The following GP2 variants were observed in gnomAD, a reference collection of about 807,000 sequenced individuals.
The protein encoded by GP2 is pancreatic secretory granule membrane major glycoprotein GP2.
GP2 carries 58 observed loss-of-function variants against 60.8 expected under a neutral mutation model. That is an observed-to-expected ratio of 0.95 (90% CI 0.77 to 1.19). The LOEUF (loss-of-function observed/expected upper bound fraction) is 1.19, where lower values mean the gene tolerates loss of function less well. GP2 is among the 50% of genes most tolerant of loss of function. The pLI, the probability that GP2 is intolerant of heterozygous loss-of-function variation, is 0.00. For synonymous variants in GP2, 280 were observed against 253.4 expected, an observed-to-expected ratio of 1.10 and a Z score of -1.00; for missense variants, 647 against 667.4, an observed-to-expected ratio of 0.97 and a Z score of 0.34.
intron 7 of GP2, 26 bp downstream of exon 7, chr16:20,318,159 A>G (rs1964242771): frequency 3.1e-6 from 5 of 1,603,800 alleles, no homozygotes; most frequent in African/African-American, 1.3e-5. Context: ...GTAAGGCCAA[A>G]TGATAATTCC....
chr16:20,314,830 G>A, intron 9 of GP2, 129 bp from the exon 10 acceptor site: 1 of 737,704 alleles, frequency 1.4e-6, no homozygotes. Context: ...TGGCCACATT[G>A]TGGGGGCATC....
intron 1 of GP2, 24 bp from the exon 2 acceptor site, chr16:20,326,491 T>C: frequency 1.3e-6 from 2 of 1,597,974 alleles, no homozygotes; most frequent in South Asian, 1.1e-5. Flanking sequence ...AAGACCAAGA[T>C]AAGATTAGGG....
rs538234787 is a variant in GP2, at chr16:20,313,263, C to T, written c.1546+1394G>A. Among the ~76,000 whole-genome samples the T allele has an allele frequency of 3.3e-4, 49 of 150,196 alleles. No homozygotes were observed. In the East Asian group the frequency reaches 8.0e-3, roughly 24 times the overall value. ...TCTCTCTCTCTCTCTGTCTCTCTGT[C>T]TCTCTCTCTCTCTCTGCGTGTGTGT... On this transcript the variant is annotated intron_variant, in intron 10 of 10. Coordinates refer to ENST00000302555, the MANE Select transcript of GP2 (RefSeq NM_001502.4).
In GP2 at chr16:20,327,504, C is replaced by A. The variant is rs377063377; in HGVS notation, c.-74G>T. On this transcript the variant is annotated 5_prime_UTR_variant, in exon 1 of 11. Transcript: ENST00000302555. Reference sequence around the variant, plus strand: ...CACAAAGCGTTCCTCCTCTGGCCAGCCATGGGAATGCAGCCTGCTGTGGGC... The same window carrying A: ...CACAAAGCGTTCCTCCTCTGGCCAGACATGGGAATGCAGCCTGCTGTGGGC... The A allele has an allele frequency of 1.1e-5, 14 of 1,288,776 alleles. No individual in the cohort carries two copies. Among genetic ancestry groups the A allele is most frequent in the East Asian group, 1.1e-4 (2 of 18,038 alleles). The allele number at this position is 1,288,776 out of a possible 1,614,324, so 79.8% of individuals were successfully genotyped here. A position where few individuals can be genotyped will look rare whatever the true frequency, so the allele number is the denominator to read the frequency against.
intron 2 of GP2, among the ~76,000 whole-genome samples, chr16:20,325,028 C>G (rs1212759618): frequency 6.6e-6 from 1 of 152,240 alleles, no homozygotes; most frequent in Non-Finnish European, 1.5e-5. Flanking sequence ...AGTTGAGAAC[C>G]ACTGATCTAA....
At position 20,317,315 on chromosome 16, in the gene GP2, G is replaced by T. The variant is rs1964212358; in HGVS notation, c.1314C>A (p.Ser438Arg). The part of the protein sequence containing the change: ...HVEENGQSSE[S>R]RFSVQMFMFA... The stretch of plus-strand genomic sequence containing the variant: ...ACATGAACATCTGAACTGAGAACCG[G>T]CTTTCCGAGGACTGCCCATTCTCCT... Residue 438 changes from serine to arginine, a missense_variant, in exon 8 of 11, where the codon AGC becomes AGA. Ser to Arg is a moderately radical substitution (Grantham distance 110, BLOSUM62 -1). Coordinates refer to ENST00000302555, the MANE Select transcript of GP2 (RefSeq NM_001502.4). The T allele has an allele frequency of 6.2e-7, 1 of 1,613,320 alleles. No homozygotes were observed. The highest frequency in any genetic ancestry group is 8.5e-7 in the Non-Finnish European group (1 of 1,179,388).
chr16:20,312,592 G>A (rs1053078284), intron 10 of GP2, among the ~76,000 whole-genome samples: 5 of 151,498 alleles, frequency 3.3e-5, no homozygotes, highest in Non-Finnish European at 7.4e-5. Flanking sequence ...ACTGTTCCAG[G>A]CACTGGGCTA....
chr16:20,327,402 T>G, intron 1 of GP2, 65 bp downstream of exon 1: 1 of 1,136,340 alleles, frequency 8.8e-7, no homozygotes, highest in Non-Finnish European at 1.1e-6. Flanking sequence ...AATCCTAGCA[T>G]GTCCAGTGGA....
At position 20,323,980 on chromosome 16, in the gene GP2, G is replaced by A; in HGVS notation, c.371C>T (p.Thr124Ile). The change falls in exon 3 of 11, where the codon ACC becomes ATC. Residue 124 changes from threonine (T) to isoleucine (I), a missense_variant. Thr to Ile is a moderately conservative substitution (Grantham distance 89). Transcript: ENST00000302555. The part of the protein sequence containing the change: ...QTDAPMWLNG[T>I]HPALGDGITN... ...GATGCCATCCCCAAGGGCAGGGTGG[G>A]TCCCATTCAGCCACATGGGAGCGTC... The A allele has an allele frequency of 1.9e-6, 3 of 1,614,132 alleles. No homozygotes were observed. Among genetic ancestry groups the A allele is most frequent in the Non-Finnish European group, 2.5e-6 (3 of 1,179,972 alleles).
intron 3 of GP2, 36 bp from the exon 4 acceptor site, chr16:20,323,015 G>T: frequency 1.6e-6 from 2 of 1,234,972 alleles, no homozygotes; most frequent in Non-Finnish European, 2.4e-6. Flanking sequence ...AGATCAGGAT[G>T]CAGTGCGGGC....
intron 4 of GP2, 47 bp from the exon 5 acceptor site, chr16:20,320,520 GC>G: frequency 7.8e-7 from 1 of 1,274,592 alleles, no homozygotes; most frequent in Non-Finnish European, 1.1e-6. Context: ...GAGTCTGGAA[GC>G]CCACTTTCCC....
At chr16:20,313,140 C>T (rs1964041782) in intron 10 of GP2, among the ~76,000 whole-genome samples, 1 of 152,112 alleles carries the variant, frequency 6.6e-6, no homozygotes, top group Non-Finnish European at 1.5e-5. Context: ...CAATATAAGT[C>T]ATTTTGTGGG....
intron 3 of GP2, chr16:20,323,588 A>G (rs930768782): frequency 1.7e-6 from 1 of 578,064 alleles, no homozygotes; most frequent in Admixed American, 3.0e-5. Flanking sequence ...TCTGGATTTT[A>G]TGCTACACAC....
intron 6 of GP2, among the ~76,000 whole-genome samples, chr16:20,318,704 C>T (rs1212325499): frequency 6.6e-6 from 1 of 152,228 alleles, no homozygotes; most frequent in Non-Finnish European, 1.5e-5. Flanking sequence ...TCCATCTTCT[C>T]ACCTGCAGAG....
chr16:20,312,661 T>C (rs1567284507), intron 10 of GP2, among the ~76,000 whole-genome samples: 1 of 152,060 alleles, frequency 6.6e-6, no homozygotes, highest in African/African-American at 2.4e-5. Context: ...AGCTGCTTTT[T>C]TTTTTTTTGA....
At chr16:20,324,318 T>TC in intron 2 of GP2, 62 bp from the exon 3 acceptor site, 1 of 1,099,846 alleles carries the variant, frequency 9.1e-7, no homozygotes. Context: ...CAGGATTTTT[T>TC]CCCCTCCATG....
rs752380089 is a variant in GP2, at chr16:20,319,754, A to G, written c.873T>C (p.His291=). Residue 291 remains histidine (H), a synonymous_variant, in exon 6 of 11, where the codon CAT becomes CAC. Coordinates refer to ENST00000302555, the MANE Select transcript of GP2 (RefSeq NM_001502.4). ...AGGAGAGGGTGTTTTTGTAGATGGC[A>G]TGGGTTTGATTTCTCTTTGGCAAAA... is the stretch of plus-strand genomic sequence containing the variant. The part of the protein sequence containing the change: ...CRNILERNQT[H]AIYKNTLSLV... 8.7e-6 allele frequency: 14 copies of G among 1,613,192 alleles called. No homozygotes were observed. The South Asian group carries it at 1.5e-4, about 18-fold the overall frequency.
chr16:20,326,256 C>T lies in GP2; in HGVS notation c.94+82G>A, dbSNP rs1395618607. On this transcript the variant is annotated intron_variant, in intron 2 of 10. Coordinates refer to ENST00000302555, the MANE Select transcript of GP2 (RefSeq NM_001502.4). Reference sequence around the variant, plus strand: ...AGAACTGCCAATTCCTCTTCCTTACCTGAGCCACCTTCTCTGCACTTCTAT... The same window carrying T: ...AGAACTGCCAATTCCTCTTCCTTACTTGAGCCACCTTCTCTGCACTTCTAT... 3.0e-6 allele frequency: 4 copies of T among 1,325,548 alleles called. No homozygotes were observed. The Admixed American group carries it at 5.3e-5, about 18-fold the overall frequency. 82.1% of individuals were successfully genotyped at this position (1,325,548 alleles called of 1,614,324 possible).
intron 8 of GP2, among the ~76,000 whole-genome samples, chr16:20,317,011 C>G (rs1221563018): frequency 2.0e-5 from 3 of 149,478 alleles, no homozygotes; most frequent in Non-Finnish European, 4.5e-5. Context: ...CCTTCACCTT[C>G]CCATTCCCTT....
Sources: gnomAD v4.1 joint callset for allele counts (sites outside exome capture counted in the v4.1 genomes callset) on GRCh38, gnomAD v4.1.1 for gene constraint, MANE v1.5 for transcripts, NCBI Gene and HGNC (gene_info 2026-07-23, HGNC 2026-07-21) for gene names.